The following CNKSR2 variants were observed in gnomAD, a reference collection of about 807,000 sequenced individuals.
CNKSR2 encodes connector enhancer of kinase suppressor of Ras 2, also known as CNK homolog protein 2.
Under a neutral mutation model 84.4 loss-of-function variants are expected in CNKSR2, and 14 were observed. The ratio of observed to expected loss-of-function variants is 0.17; its 90% CI spans 0.11 to 0.26. The LOEUF (loss-of-function observed/expected upper bound fraction) is 0.26, where lower values mean the gene tolerates loss of function less well. Among genes scored for constraint, CNKSR2 ranks in the 10% least tolerant of loss-of-function variants. The probability of loss-of-function intolerance (pLI) is 1.00; values close to 1 mark genes in which losing one functional copy is unlikely to be tolerated. For missense variants in CNKSR2, 485 were observed against 771.2 expected (o/e 0.63, Z 4.40); for synonymous variants, 275 against 277.9 (o/e 0.99, Z 0.10).
intron 1 of CNKSR2, among the ~76,000 whole-genome samples, chrX:21,408,768 T>A (rs888188159): frequency 1.1e-4 from 12 of 111,087 alleles, no homozygotes; most frequent in African/African-American, 2.0e-4. Flanking sequence ...AGTTTTTTTT[T>A]AATTCTGAGA....
chrX:21,523,698 C>T (rs1161769658), intron 9 of CNKSR2, among the ~76,000 whole-genome samples: 1 of 110,279 alleles, frequency 9.1e-6, no homozygotes, highest in Non-Finnish European at 1.9e-5. Flanking sequence ...AAATTTGTTA[C>T]TTTCTGTGCA....
chrX:21,538,978 C>T (rs1165394880), intron 11 of CNKSR2: 1 of 111,952 alleles, frequency 8.9e-6, no homozygotes, highest in Non-Finnish European at 1.9e-5. Flanking sequence ...TTCACTGACT[C>T]AAATATTAAT....
intron 5 of CNKSR2, among the ~76,000 whole-genome samples, chrX:21,483,616 A>AT (rs1491148379): frequency 1.9e-5 from 2 of 106,373 alleles, no homozygotes; most frequent in African/African-American, 3.4e-5. Flanking sequence ...ATATATATAT[A>AT]AAAGAAATTC....
chrX:21,428,359 A>T (rs925263199), intron 2 of CNKSR2: 2 of 112,057 alleles, frequency 1.8e-5, no homozygotes, highest in Non-Finnish European at 3.8e-5. Context: ...TTTAAGCTAT[A>T]CTATATTTTC....
chrX:21,610,529 C>T (rs1210934948), intron 20 of CNKSR2, among the ~76,000 whole-genome samples: 1 of 112,268 alleles, frequency 8.9e-6, no homozygotes, highest in Non-Finnish European at 1.9e-5. Context: ...TAGTATAAAA[C>T]TGTTCACATC....
intron 7 of CNKSR2, among the ~76,000 whole-genome samples, chrX:21,500,515 C>T (rs1191937727): frequency 9.0e-6 from 1 of 110,919 alleles, no homozygotes; most frequent in Non-Finnish European, 1.9e-5. Context: ...ACATACACAT[C>T]TATCTAGACA....
At chrX:21,585,771 C>T (rs949511487) in intron 13 of CNKSR2, among the ~76,000 whole-genome samples, 4 of 110,692 alleles carry the variant, frequency 3.6e-5, no homozygotes, top group East Asian at 5.7e-4. Context: ...TTAGAAAGTT[C>T]GAAGAACTTT....
intron 1 of CNKSR2, among the ~76,000 whole-genome samples, chrX:21,385,850 G>A (rs2089960943): frequency 9.1e-6 from 1 of 110,039 alleles, no homozygotes; most frequent in Non-Finnish European, 1.9e-5. Flanking sequence ...CTTCTAGTGA[G>A]ATGTGCGTGT....
chrX:21,485,646 G>A (rs1012990017), intron 5 of CNKSR2, among the ~76,000 whole-genome samples: 1 of 111,178 alleles, frequency 9.0e-6, no homozygotes, highest in Admixed American at 9.6e-5. Context: ...ATTAAGTCAT[G>A]GCTACCCTTG....
intron 20 of CNKSR2, among the ~76,000 whole-genome samples, chrX:21,614,032 T>A (rs2092564755): frequency 9.1e-6 from 1 of 110,376 alleles, no homozygotes; most frequent in Non-Finnish European, 1.9e-5. Context: ...AAGTAAAAAA[T>A]CTAACATTCT....
In CNKSR2 at chrX:21,609,080, G is replaced by T. The variant is rs768216123; in HGVS notation, c.2155G>T (p.Ala719Ser). The T allele has an allele frequency of 1.7e-6, 2 of 1,204,339 alleles. No individual in the cohort carries two copies. Among genetic ancestry groups the T allele is most frequent in the Non-Finnish European group, 2.2e-6 (2 of 891,697 alleles). The part of the protein sequence containing the change: ...TYPRPPSMSC[A>S]SPYVEAKHSR... The stretch of plus-strand genomic sequence containing the variant: ...GGGCTCCTTTCTACAGATGAGTTGC[G>T]CCAGTCCTTATGTGGAAGCAAAACA... Residue 719 changes from alanine (A) to serine (S), a missense_variant, in exon 20 of 22, where the codon GCC becomes TCC. Physicochemically the swap from Ala to Ser is moderately conservative, Grantham distance 99. This residue lies in a region of CNKSR2 where 210 missense variants were observed against 291.5 expected (regional missense o/e 0.72). Transcript: ENST00000379510.
chrX:21,424,343 C>T (rs2090537891), intron 1 of CNKSR2: 1 of 111,863 alleles, frequency 8.9e-6, no homozygotes, highest in Non-Finnish European at 1.9e-5. Flanking sequence ...TCTTAATTCT[C>T]AGAGTGCTTT....
chrX:21,571,629 G>T (rs780044907), intron 13 of CNKSR2, among the ~76,000 whole-genome samples: 2 of 111,823 alleles, frequency 1.8e-5, no homozygotes, highest in East Asian at 5.6e-4. Flanking sequence ...GCAGAGTTTA[G>T]AAATGAGTCC....
intron 6 of CNKSR2, chrX:21,495,818 A>AAAAAAAAAAAAC (rs2091491557): frequency 1.0e-5 from 1 of 100,096 alleles, no homozygotes; most frequent in African/African-American, 3.7e-5. Context: ...AAAAAAAAAA[A>AAAAAAAAAAAAC]AAAACACGAA....
intron 18 of CNKSR2, among the ~76,000 whole-genome samples, chrX:21,604,442 G>A (rs957530665): frequency 3.6e-5 from 4 of 110,573 alleles, no homozygotes; most frequent in Non-Finnish European, 7.5e-5. Flanking sequence ...TTGTGCACAT[G>A]TACCCTAGAA....
At chrX:21,436,960 T>G (rs942846867) in intron 3 of CNKSR2, among the ~76,000 whole-genome samples, 57 of 111,925 alleles carry the variant, frequency 5.1e-4, no homozygotes, top group African/African-American at 1.7e-3. Flanking sequence ...ATGATTTGCC[T>G]CTAAGATAAA....
In CNKSR2 at chrX:21,398,265, G is replaced by T. The variant is rs928207599; in HGVS notation, c.64+23304G>T. ...CAAAATGGAAACAAATACATTAATA[G>T]ATTTTTCAAATTTAATATTTATATA... On this transcript the variant is annotated intron_variant, in intron 1 of 21. Transcript: ENST00000379510. 3.6e-5 allele frequency among the ~76,000 whole-genome samples: 4 copies of T among 111,683 alleles called. No homozygotes were observed. The East Asian group carries it at 8.4e-4, about 23-fold the overall frequency.
chrX:21,473,472 A>G (rs1454725829), intron 5 of CNKSR2, among the ~76,000 whole-genome samples: 4 of 110,583 alleles, frequency 3.6e-5, no homozygotes, highest in African/African-American at 1.3e-4. Flanking sequence ...CTAGATCTCT[A>G]TAGTGTAGAA....
intron 4 of CNKSR2, among the ~76,000 whole-genome samples, chrX:21,446,045 A>T (rs2147095553): frequency 8.9e-6 from 1 of 111,863 alleles, no homozygotes; most frequent in South Asian, 3.7e-4. Context: ...CTACAAATTT[A>T]CATTCATACC....
Sources: gnomAD v4.1 joint callset for allele counts (sites outside exome capture counted in the v4.1 genomes callset) on GRCh38, gnomAD v4.1.1 for gene constraint, gnomAD v4.1.1 regional missense constraint, MANE v1.5 for transcripts, NCBI Gene and HGNC (gene_info 2026-07-23, HGNC 2026-07-21) for gene names.